MED12L: variants seen among roughly 807,000 people sequenced by gnomAD.
MED12L encodes mediator of RNA polymerase II transcription subunit 12-like protein.
In MED12L, 60 loss-of-function variants were observed where a neutral mutation model predicts 281.3. The observed-to-expected ratio is 0.21, with a 90% CI of 0.17 to 0.26. The LOEUF is 0.26. MED12L is among the 10% of genes least tolerant of loss of function. MED12L has a pLI of 1.00. For missense variants in MED12L, 2,146 were observed against 2,680.9 expected (o/e 0.80, Z 4.41); for synonymous variants, 974 against 987.2 (o/e 0.99, Z 0.25).
At chr3:151,245,225 C>T (rs371560711) in intron 16 of MED12L, among the ~76,000 whole-genome samples, 7 of 152,250 alleles carry the variant, frequency 4.6e-5, no homozygotes, top group Non-Finnish European at 8.8e-5. Context: ...TCTGAAACTA[C>T]TCCAATCAAT....
rs1275389165 is a variant in MED12L, at chr3:151,411,495, C to T, written c.6128C>T (p.Thr2043Ile). 2.5e-6 allele frequency: 4 copies of T among 1,614,180 alleles called. No homozygotes were observed. In the East Asian group the frequency reaches 8.9e-5, roughly 36 times the overall value. The change falls in exon 41 of 45, where the codon ACT becomes ATT. Residue 2043 changes from threonine (T) to isoleucine (I), a missense_variant. Physicochemically the swap from Thr to Ile is moderately conservative, Grantham distance 89. Around this residue, in one of 9 missense-constraint regions of MED12L, gnomAD observed 496 missense variants for 512.0 expected, o/e 0.97. Transcript: ENST00000687756. ...GCCTCGCCGTACCTGCAGCCCCTGA[C>T]TGGCTCTCAGAGGTGATACATGTGG... is the stretch of plus-strand genomic sequence containing the variant. ...QQASPYLQPL[T>I]GSQRLNHQAL...
At chr3:151,235,012 C>T (rs534476710) in intron 16 of MED12L, among the ~76,000 whole-genome samples, 3 of 152,162 alleles carry the variant, frequency 2.0e-5, no homozygotes, top group Non-Finnish European at 4.4e-5. Flanking sequence ...AAAGCTCAGG[C>T]GTGTTTTTTT....
chr3:151,180,341 G>A lies in MED12L; in HGVS notation c.1495-4989G>A, dbSNP rs141295166. 5.0e-3 allele frequency among the ~76,000 whole-genome samples: 759 copies of A among 152,258 alleles called. 31 individuals carry two copies. The highest frequency in any genetic ancestry group is 0.037 in the Admixed American group (569 of 15,294). On this transcript the variant is annotated intron_variant, in intron 11 of 44. Transcript: ENST00000687756. Reference sequence around the variant, plus strand: ...GTATGCTCCCCTCCCAGGAGATACCGAAGGGGTGGAAGGCTAGACTTACTT... The same window carrying A: ...GTATGCTCCCCTCCCAGGAGATACCAAAGGGGTGGAAGGCTAGACTTACTT...
rs918921099 is a variant in MED12L at position 151,301,369 on chromosome 3, T to C, written c.2251-48690T>C. Among the ~76,000 whole-genome samples, 7 of 152,310 alleles carry C rather than the reference T, an allele frequency of 4.6e-5. No homozygotes were observed. In the East Asian group the frequency reaches 1.4e-3, roughly 29 times the overall value. On this transcript the variant is annotated intron_variant, in intron 16 of 44. Transcript: ENST00000687756. The stretch of plus-strand genomic sequence containing the variant: ...GATAGACACATTTTTAGTTTTATGT[T>C]TCTCTGTTCTCAAGTTGTATGGTTG...
intron 32 of MED12L, among the ~76,000 whole-genome samples, chr3:151,381,707 C>T (rs1712380254): frequency 6.6e-6 from 1 of 152,166 alleles, no homozygotes; most frequent in African/African-American, 2.4e-5. Flanking sequence ...CCACTTGTTA[C>T]ACTTAGTTTT....
chr3:151,146,975 G>A (rs1302139618), intron 5 of MED12L, among the ~76,000 whole-genome samples: 1 of 152,230 alleles, frequency 6.6e-6, no homozygotes, highest in Non-Finnish European at 1.5e-5. Context: ...CAGCCAATCA[G>A]TGCACTGACT....
At chr3:151,371,025 T>C in intron 26 of MED12L, among the ~76,000 whole-genome samples, 1 of 152,254 alleles carries the variant, frequency 6.6e-6, no homozygotes, top group East Asian at 1.9e-4. Context: ...TGTATTCTAT[T>C]GTCAATGCAA....
intron 43 of MED12L, among the ~76,000 whole-genome samples, chr3:151,427,010 G>A (rs996652575): frequency 4.6e-5 from 7 of 151,968 alleles, no homozygotes; most frequent in African/African-American, 1.2e-4. Context: ...TAGAGATGGC[G>A]ATTTGCCATG....
intron 16 of MED12L, among the ~76,000 whole-genome samples, chr3:151,238,071 C>G (rs1733283802): frequency 6.6e-6 from 1 of 152,088 alleles, no homozygotes; most frequent in Admixed American, 6.5e-5. Flanking sequence ...TTTTTCTTTT[C>G]TAACTAGTGC....
At chr3:151,341,825 G>T (rs1412538221) in intron 16 of MED12L, among the ~76,000 whole-genome samples, 1 of 151,718 alleles carries the variant, frequency 6.6e-6, no homozygotes, top group Non-Finnish European at 1.5e-5. Flanking sequence ...AGAATATGTG[G>T]TGTTTGGTTT....
intron 27 of MED12L, among the ~76,000 whole-genome samples, chr3:151,374,913 T>G (rs140342323): frequency 6.6e-6 from 1 of 152,236 alleles, no homozygotes; most frequent in Non-Finnish European, 1.5e-5. Flanking sequence ...CTCCCATATA[T>G]TTGTTTTAAA....
chr3:151,408,513 T>C (rs1716590818), intron 39 of MED12L, among the ~76,000 whole-genome samples: 1 of 152,212 alleles, frequency 6.6e-6, no homozygotes, highest in African/African-American at 2.4e-5. Context: ...ACTAGGATTA[T>C]TTTTATGATT....
chr3:151,336,506 G>C, intron 16 of MED12L: 1 of 456,324 alleles, frequency 2.2e-6, no homozygotes, highest in Non-Finnish European at 4.4e-6. Flanking sequence ...ATTATATTTA[G>C]GTATTGATGT....
At chr3:151,389,057 A>G (rs923368034) in intron 37 of MED12L, among the ~76,000 whole-genome samples, 3 of 152,186 alleles carry the variant, frequency 2.0e-5, no homozygotes, top group East Asian at 1.9e-4. Flanking sequence ...GATTAATACT[A>G]TTTTAGAAAT....
chr3:151,193,180 A>G (rs1724205146), intron 15 of MED12L, among the ~76,000 whole-genome samples: 3 of 152,200 alleles, frequency 2.0e-5, no homozygotes, highest in Admixed American at 2.0e-4. Context: ...TACGAAATGT[A>G]GCCCTACGAG....
At chr3:151,141,178 G>GTTTGTTTGTTTTTTTTTTTTTTTTTTT (rs1553808456) in intron 5 of MED12L, among the ~76,000 whole-genome samples, 1 of 102,186 alleles carries the variant, frequency 9.8e-6, no homozygotes, top group African/African-American at 4.3e-5. Context: ...TTTTTTTTTT[G>GTTTGTTTGTTTTTTTTTTTTTTTTTTT]TTTTTTTTGT....
chr3:151,305,106 C>G (rs1019790945), intron 16 of MED12L, among the ~76,000 whole-genome samples: 2 of 152,240 alleles, frequency 1.3e-5, no homozygotes, highest in Non-Finnish European at 2.9e-5. Context: ...CTTCAGCGCT[C>G]CCTGTGTGCT....
At chr3:151,108,756 C>T (rs1711498392) in intron 2 of MED12L, among the ~76,000 whole-genome samples, 1 of 152,004 alleles carries the variant, frequency 6.6e-6, no homozygotes, top group South Asian at 2.1e-4. Flanking sequence ...ATGTTCTGTG[C>T]GATAGAGGGT....
chr3:151,213,867 G>T, intron 16 of MED12L: 1 of 1,613,690 alleles, frequency 6.2e-7, no homozygotes, highest in South Asian at 1.1e-5. Context: ...CAGCAAGGAG[G>T]AGCATGAGCA....
Sources: allele counts gnomAD v4.1 joint callset (sites outside exome capture counted in the v4.1 genomes callset), GRCh38; gene constraint gnomAD v4.1.1; regional missense constraint gnomAD v4.1.1; transcripts MANE v1.5; gene names NCBI Gene and HGNC (gene_info 2026-07-23, HGNC 2026-07-21).